The following KYAT3 variants were observed in gnomAD, a reference collection of about 807,000 sequenced individuals.
KYAT3 encodes the protein kynurenine--oxoglutarate transaminase 3.
KYAT3 carries 50 observed loss-of-function variants against 59.0 expected under a neutral mutation model. The ratio of observed to expected loss-of-function variants is 0.85; its 90% CI spans 0.68 to 1.07. The LOEUF is 1.07. KYAT3 is among the 50% of genes least tolerant of loss of function. The pLI is 0.00. For missense variants in KYAT3, 497 were observed against 533.3 expected (o/e 0.93, Z 0.67); for synonymous variants, 148 against 177.0 (o/e 0.84, Z 1.30).
chr1:88,968,814 C>G lies in KYAT3; in HGVS notation c.159G>C (p.Trp53Cys), dbSNP rs762369736. Residue 53 changes from tryptophan (W) to cysteine (C), a missense_variant and splice_region_variant, in exon 4 of 14, where the codon TGG becomes TGC. Physicochemically the swap from Trp to Cys is radical, Grantham distance 215 (BLOSUM62 -2). This residue lies in a region of KYAT3 where 469 missense variants were observed against 479.1 expected (regional missense o/e 0.98). Transcript: ENST00000260508. ...CTGCAGCCAATTTGGTAAATTCAAT[C>G]CTAAGATTGAAAAAAATACTAATAT... ...KRIEGLDSNV[W>C]IEFTKLAADP... 1 of 1,574,444 alleles carries G rather than the reference C, an allele frequency of 6.4e-7. No homozygotes were observed. Among genetic ancestry groups the G allele is most frequent in the Admixed American group, 2.1e-5 (1 of 47,608 alleles).
intron 2 of KYAT3, among the ~76,000 whole-genome samples, chr1:88,973,267 A>C (rs1440812005): frequency 2.0e-5 from 3 of 152,334 alleles, no homozygotes; most frequent in East Asian, 1.9e-4. Context: ...TTAGCCTCCC[A>C]AACAATGAGG....
At chr1:88,924,599 A>G in the KYAT3 span, among the ~76,000 whole-genome samples, 1 of 152,122 alleles carries the variant, frequency 6.6e-6, no homozygotes, top group African/African-American at 2.4e-5. Flanking sequence ...TTGCAACTGC[A>G]CTGTTCTGGT....
Position 88,968,798 on chromosome 1 carries a change from A to G in KYAT3, c.175T>C (p.Leu59=), listed in dbSNP as rs187290375. ...DSNVWIEFTK[L]AADPSVVNLG... Reference sequence around the variant, plus strand: ...TTCACAACAGAAGGGTCTGCAGCCAATTTGGTAAATTCAATCCTAAGATTG... The same window carrying G: ...TTCACAACAGAAGGGTCTGCAGCCAGTTTGGTAAATTCAATCCTAAGATTG... The change falls in exon 4 of 14, where the codon TTG becomes CTG. Residue 59 remains leucine (L), a synonymous_variant. Transcript: ENST00000260508. 2 of 1,583,792 alleles carry G rather than the reference A, an allele frequency of 1.3e-6. No homozygotes were observed. The highest frequency in any genetic ancestry group is 2.0e-5 in the Admixed American group (1 of 50,056).
rs12068241 is a variant in KYAT3, at chr1:88,985,428, A to C, written c.99+2824T>G. Among the ~76,000 whole-genome samples the C allele has an allele frequency of 2.4e-3, 367 of 152,346 alleles. 3 individuals are homozygous for C. Among genetic ancestry groups the C allele is most frequent in the African/African-American group, 8.7e-3 (360 of 41,572 alleles). On this transcript the variant is annotated intron_variant, in intron 2 of 13. Transcript: ENST00000260508. ...TTCTTCTGGGCACATGAAACAGAAGATTGGTAAGTTTGAATCTGGGCAAGT... is the reference window on the plus strand; with the variant it reads ...TTCTTCTGGGCACATGAAACAGAAGCTTGGTAAGTTTGAATCTGGGCAAGT...
intron 9 of KYAT3, 127 bp from the exon 10 acceptor site, chr1:88,953,279 T>G: frequency 1.5e-6 from 1 of 647,586 alleles, no homozygotes; most frequent in Non-Finnish European, 2.7e-6. Context: ...GTATGGTGAC[T>G]CACACCTGTA....
intron 11 of KYAT3, among the ~76,000 whole-genome samples, chr1:88,945,985 G>C (rs1675427015): frequency 6.6e-6 from 1 of 152,076 alleles, no homozygotes; most frequent in African/African-American, 2.4e-5. Flanking sequence ...CAAGATCTAA[G>C]ACCTAAATTA....
At chr1:88,947,317 A>G (rs1557682982) in intron 11 of KYAT3, among the ~76,000 whole-genome samples, 1 of 151,664 alleles carries the variant, frequency 6.6e-6, no homozygotes, top group Non-Finnish European at 1.5e-5. Context: ...CACAGATCCC[A>G]CTCTCTCTCT....
chr1:88,991,707 G>C (rs1299853422), intron 1 of KYAT3, among the ~76,000 whole-genome samples: 1 of 152,222 alleles, frequency 6.6e-6, no homozygotes, highest in South Asian at 2.1e-4. Context: ...ATGGATTCGT[G>C]TAACTATAAA....
chr1:88,965,484 G>C (rs1045380536), intron 4 of KYAT3, among the ~76,000 whole-genome samples: 3 of 152,160 alleles, frequency 2.0e-5, no homozygotes. Flanking sequence ...GCAAATGTTA[G>C]AAGGAAGTGA....
downstream of KYAT3, among the ~76,000 whole-genome samples, chr1:88,931,642 C>T (rs12091597): frequency 0.031 from 4,781 of 152,092 alleles, 223 homozygotes; most frequent in African/African-American, 0.11. Context: ...AAGGTGACCA[C>T]GTCCACCTTT....
In KYAT3 at chr1:88,982,953, G is replaced by A. The variant is rs1184278953; in HGVS notation, c.99+5299C>T. The stretch of plus-strand genomic sequence containing the variant: ...GGCCCTCGTGTAAGTGGAGCACTAC[G>A]TGAGTTACCATAACTCTCATATGAA... On this transcript the variant is annotated intron_variant, in intron 2 of 13. Transcript: ENST00000260508. 3.1e-6 allele frequency: 5 copies of A among 1,613,860 alleles called. No homozygotes were observed. Among genetic ancestry groups the A allele is most frequent in the South Asian group, 1.1e-5 (1 of 91,066 alleles).
intron 2 of KYAT3, among the ~76,000 whole-genome samples, 187 bp from the exon 3 acceptor site, chr1:88,969,654 C>A (rs61766149): frequency 6.7e-6 from 1 of 149,442 alleles, no homozygotes; most frequent in South Asian, 2.1e-4. Flanking sequence ...TGAAGGAATG[C>A]CTTTTTTTTT....
rs192288843 is a variant in KYAT3, at chr1:88,936,740, G to A, written c.1303-495C>T. Among the ~76,000 whole-genome samples, 3 of 152,318 alleles carry A rather than the reference G, an allele frequency of 2.0e-5. No homozygotes were observed. The East Asian group carries it at 5.8e-4, about 29-fold the overall frequency. On this transcript the variant is annotated intron_variant, in intron 13 of 13. Transcript: ENST00000260508. ...TCATAGTTGTAATTATTGAAAAATA[G>A]TTTATTTTTTGAATAGGTGATTCAT...
chr1:88,981,794 T>C (rs150625611), intron 2 of KYAT3: 4,188 of 222,812 alleles, frequency 0.019, 149 homozygotes, highest in African/African-American at 0.076. Context: ...AAATCTGATG[T>C]GGAATGCTGA....
chr1:88,938,415 T>C (rs1255496087), intron 13 of KYAT3, among the ~76,000 whole-genome samples: 1 of 152,134 alleles, frequency 6.6e-6, no homozygotes, highest in African/African-American at 2.4e-5. Context: ...GGGGTACATG[T>C]GAAGATTTGT....
chr1:88,926,489 T>C, the KYAT3 span, among the ~76,000 whole-genome samples: 2 of 152,210 alleles, frequency 1.3e-5, no homozygotes, highest in African/African-American at 4.8e-5. Context: ...AATTTTTCTT[T>C]ACTTTTTGTA....
rs1472070385 is a variant in KYAT3, at chr1:88,983,319, G to A, written c.99+4933C>T. 6 of 1,614,070 alleles carry A rather than the reference G, an allele frequency of 3.7e-6. No homozygotes were observed. The Admixed American group carries it at 8.3e-5, about 22-fold the overall frequency. On this transcript the variant is annotated intron_variant, in intron 2 of 13. Transcript: ENST00000260508. The stretch of plus-strand genomic sequence containing the variant: ...CCCATTCCACTGCTGCTGCGAACTA[G>A]TCCTGAAGGTGCAGATCTCTTAGGA...
chr1:88,955,234 A>G lies in KYAT3; in HGVS notation c.788-9T>C. On this transcript the variant is annotated splice_polypyrimidine_tract_variant and intron_variant, in intron 8 of 13. Coordinates refer to ENST00000260508, the MANE Select transcript of KYAT3 (RefSeq NM_001008661.3). ...CATACCTGGAAAAGTAGCTAAACAG[A>G]GGAGGAAAAAAGGGTAAATATTGTT... is the stretch of plus-strand genomic sequence containing the variant. 1 of 1,575,492 alleles carries G rather than the reference A, an allele frequency of 6.3e-7. No homozygotes were observed.
chr1:88,921,492 CA>C, the KYAT3 span, among the ~76,000 whole-genome samples: 1 of 152,100 alleles, frequency 6.6e-6, no homozygotes, highest in Admixed American at 6.6e-5. Context: ...AAAAGATCTT[CA>C]AAGGTTCATC....
Sources: gnomAD v4.1 joint callset for allele counts (sites outside exome capture counted in the v4.1 genomes callset) on GRCh38, gnomAD v4.1.1 for gene constraint, gnomAD v4.1.1 regional missense constraint, MANE v1.5 for transcripts, NCBI Gene and HGNC (gene_info 2026-07-23, HGNC 2026-07-21) for gene names.